ESR2: variants seen among roughly 807,000 people sequenced by gnomAD.
The protein encoded by ESR2 is estrogen receptor beta.
A neutral mutation model predicts 49.6 loss-of-function variants in ESR2; 36 were observed. The ratio of observed to expected loss-of-function variants is 0.73; its 90% CI spans 0.56 to 0.96. ESR2 has a LOEUF of 0.96. Among genes scored for constraint, ESR2 ranks in the 40% least tolerant of loss-of-function variants. The pLI is 0.00. For missense variants in ESR2, 714 were observed against 693.0 expected (o/e 1.03, Z -0.34); for synonymous variants, 320 against 266.1 (o/e 1.20, Z -1.97).
chr14:64,260,324 C>T, intron 5 of ESR2, 125 bp downstream of exon 5: 1 of 969,320 alleles, frequency 1.0e-6, no homozygotes, highest in Non-Finnish European at 1.7e-6. Context: ...GTTACAAATC[C>T]AGCTGAGGAC....
At chr14:64,239,558 A>G (rs1233478512) in intron 7 of ESR2, among the ~76,000 whole-genome samples, 1 of 152,196 alleles carries the variant, frequency 6.6e-6, no homozygotes, top group Non-Finnish European at 1.5e-5. Context: ...TCTAATTCCT[A>G]AATTCCATAC....
intron 2 of ESR2, among the ~76,000 whole-genome samples, chr14:64,281,748 A>G (rs1441933188): frequency 6.6e-6 from 1 of 152,242 alleles, no homozygotes; most frequent in Non-Finnish European, 1.5e-5. Flanking sequence ...GCATTTAAAG[A>G]GTACACATAT....
At chr14:64,273,773 G>A (rs1305888226) in intron 3 of ESR2, among the ~76,000 whole-genome samples, 2 of 151,908 alleles carry the variant, frequency 1.3e-5, no homozygotes, top group Non-Finnish European at 2.9e-5. Flanking sequence ...TGTTTCTTTG[G>A]TTCTGGTATC....
At chr14:64,265,248 T>C (rs2076304646) in intron 4 of ESR2, among the ~76,000 whole-genome samples, 1 of 152,172 alleles carries the variant, frequency 6.6e-6, no homozygotes, top group Non-Finnish European at 1.5e-5. Flanking sequence ...CAGTGGTAAA[T>C]AGCCCCAGCC....
In ESR2 at chr14:64,280,045, C is replaced by T. The variant is rs150534198; in HGVS notation, c.471G>A (p.Ser157=). The change falls in exon 3 of 9, where the codon TCG becomes TCA. Residue 157 remains serine (S), a synonymous_variant. Coordinates refer to ENST00000341099, the MANE Select transcript of ESR2 (RefSeq NM_001437.3). ...ACGACCAGACTCCATAGTGATATCC[C>T]GATGCGTAATCGCTGCAGACAGCGC... The part of the protein sequence containing the change: ...HFCAVCSDYA[S]GYHYGVWSCE... 1.1e-4 allele frequency: 181 copies of T among 1,614,138 alleles called. No individual in the cohort carries two copies. The East Asian group carries it at 3.0e-3, about 27-fold the overall frequency.
chr14:64,279,179 A>C (rs564711193), intron 3 of ESR2, among the ~76,000 whole-genome samples: 35 of 152,306 alleles, frequency 2.3e-4, no homozygotes, highest in African/African-American at 8.2e-4. Flanking sequence ...CTGCCTTTTC[A>C]GGCTGAATCA....
chr14:64,235,241 A>G, intron 7 of ESR2, 91 bp from the exon 8 acceptor site: 4 of 1,400,324 alleles, frequency 2.9e-6, no homozygotes, highest in Non-Finnish European at 3.9e-6. Flanking sequence ...CTCCGAGGTG[A>G]TCTGGGTTGC....
At chr14:64,253,604 GTA>G (rs10696080) in intron 6 of ESR2, among the ~76,000 whole-genome samples, 45 of 142,904 alleles carry the variant, frequency 3.1e-4, no homozygotes, top group Non-Finnish European at 5.7e-4. Flanking sequence ...GTGTGTGTGT[GTA>G]TGTATGTGTG....
At chr14:64,329,190 G>C (rs2077424507) in intron 1 of ESR2, among the ~76,000 whole-genome samples, 1 of 129,754 alleles carries the variant, frequency 7.7e-6, no homozygotes, top group South Asian at 2.4e-4. Context: ...AGGCAAGAGA[G>C]AGAGGAGGGG....
intron 1 of ESR2, among the ~76,000 whole-genome samples, chr14:64,326,967 C>T (rs1567805128): frequency 6.6e-6 from 1 of 152,176 alleles, no homozygotes; most frequent in Admixed American, 6.5e-5. Context: ...CAACATTTCT[C>T]GATTACCTCC....
chr14:64,236,957 CTTT>C (rs34618726), intron 7 of ESR2, among the ~76,000 whole-genome samples: 20 of 145,806 alleles, frequency 1.4e-4, no homozygotes, highest in African/African-American at 2.8e-4. Flanking sequence ...GGGCACAGAC[CTTT>C]TTTTTTTTTT....
chr14:64,282,070 A>G (rs1317355931), intron 2 of ESR2, among the ~76,000 whole-genome samples: 1 of 152,330 alleles, frequency 6.6e-6, no homozygotes, highest in Non-Finnish European at 1.5e-5. Context: ...GACCAGGCAC[A>G]GTGTTCATCA....
Position 64,235,073 on chromosome 14 carries a change from C to T in ESR2, c.1303G>A (p.Asp435Asn), listed in dbSNP as rs2098731225. ...TTGGCAATCACCCAAACCAAAGCAT[C>T]GGTCACGGCGTTCAGCAAGTGAGCC... is the stretch of plus-strand genomic sequence containing the variant. ...KLAHLLNAVT[D>N]ALVWVIAKSG... The change falls in exon 8 of 9, where the codon GAT (aspartate) becomes AAT (asparagine). Residue 435 changes from aspartate to asparagine, a missense_variant. By Grantham distance (23) the Asp-to-Asn change is conservative (BLOSUM62 1). Transcript: ENST00000341099. 3.7e-6 allele frequency: 6 copies of T among 1,614,090 alleles called. No individual in the cohort carries two copies. Among genetic ancestry groups the T allele is most frequent in the Middle Eastern group, 1.6e-4 (1 of 6,084 alleles).
Position 64,232,803 on chromosome 14 carries a change from C to T in ESR2, c.*334G>A. The T allele has an allele frequency of 4.4e-6, 1 of 226,654 alleles. No individual in the cohort carries two copies. The highest frequency in any genetic ancestry group is 8.6e-6 in the Non-Finnish European group (1 of 116,688). The allele number at this position is 226,654 out of a possible 1,614,324, so 14.0% of individuals were successfully genotyped here. ...TTTCTGATTCGCAGCCCTTCCAAGT[C>T]AGATTTCCACCATTCATTCCAAAAC... On this transcript the variant is annotated 3_prime_UTR_variant, in exon 9 of 9. Coordinates refer to ENST00000341099, the MANE Select transcript of ESR2 (RefSeq NM_001437.3).
At chr14:64,335,177 G>C (rs1249777666) in intron 1 of ESR2, among the ~76,000 whole-genome samples, 3 of 152,138 alleles carry the variant, frequency 2.0e-5, no homozygotes, top group African/African-American at 4.8e-5. Context: ...ATAGAATAAT[G>C]TAACAGTGAT....
intron 1 of ESR2, among the ~76,000 whole-genome samples, chr14:64,306,540 T>TG (rs151204499): frequency 0.01 from 1,571 of 152,350 alleles, 17 homozygotes; most frequent in Non-Finnish European, 0.017. Context: ...GTGGATCTGT[T>TG]GGGGTAATCA....
intron 4 of ESR2, among the ~76,000 whole-genome samples, chr14:64,266,703 T>A (rs2076336686): frequency 6.6e-6 from 1 of 152,224 alleles, no homozygotes; most frequent in Non-Finnish European, 1.5e-5. Context: ...AGATATTATC[T>A]CTGGATTTTC....
At chr14:64,295,837 A>G (rs1420177581), upstream of ESR2, among the ~76,000 whole-genome samples, 1 of 152,136 alleles carries the variant, frequency 6.6e-6, no homozygotes, top group African/African-American at 2.4e-5. Context: ...CGAGGTCAGG[A>G]GTTTGAGACC....
At chr14:64,327,628 G>A (rs1048107358) in intron 1 of ESR2, among the ~76,000 whole-genome samples, 4 of 152,028 alleles carry the variant, frequency 2.6e-5, no homozygotes, top group East Asian at 3.9e-4. Context: ...CCCAGGAGGC[G>A]GAGGTTGCAG....
Sources: allele counts gnomAD v4.1 joint callset (sites outside exome capture counted in the v4.1 genomes callset), GRCh38; gene constraint gnomAD v4.1.1; transcripts MANE v1.5; gene names NCBI Gene and HGNC (gene_info 2026-07-23, HGNC 2026-07-21).